Variants in BBS9 observed in about 807,000 individuals in gnomAD.
BBS9 encodes the protein Bardet-Biedl syndrome 9, also known as protein PTHB1.
Under a neutral mutation model 117.7 loss-of-function variants are expected in BBS9, and 89 were observed. The observed-to-expected ratio is 0.76, with a 90% CI of 0.64 to 0.90. The LOEUF is 0.90. Ranked by LOEUF, BBS9 falls within the 40% of genes least tolerant of loss-of-function variation. The pLI is 0.00. For synonymous variants in BBS9, 379 were observed against 370.9 expected, an observed-to-expected ratio of 1.02 and a Z score of -0.25; for missense variants, 982 against 1,042.2, an observed-to-expected ratio of 0.94 and a Z score of 0.80.
intron 6 of BBS9, among the ~76,000 whole-genome samples, chr7:33,258,538 C>G (rs1797458552): frequency 6.6e-6 from 1 of 152,006 alleles, no homozygotes; most frequent in Non-Finnish European, 1.5e-5. Flanking sequence ...TCTTATGGCT[C>G]TTATCCAAAG....
intron 20 of BBS9, among the ~76,000 whole-genome samples, chr7:33,514,533 T>G (rs1292168036): frequency 1.3e-5 from 2 of 152,158 alleles, no homozygotes; most frequent in African/African-American, 4.8e-5. Flanking sequence ...ACAGGGAGTT[T>G]CCTGTACTTT....
intron 5 of BBS9, among the ~76,000 whole-genome samples, chr7:33,219,135 G>C (rs1789670663): frequency 6.6e-6 from 1 of 152,192 alleles, no homozygotes; most frequent in Non-Finnish European, 1.5e-5. Context: ...AGCTGCGGAG[G>C]GTATACTGGG....
intron 5 of BBS9, among the ~76,000 whole-genome samples, chr7:33,218,994 C>G (rs1034686718): frequency 6.6e-6 from 1 of 152,234 alleles, no homozygotes; most frequent in Non-Finnish European, 1.5e-5. Context: ...CGAGCGGGAA[C>G]CCGGGCTGCG....
intron 19 of BBS9, among the ~76,000 whole-genome samples, chr7:33,459,183 C>T (rs1051521918): frequency 6.6e-6 from 1 of 152,062 alleles, no homozygotes. Context: ...TTTGCTTGTT[C>T]TTTAACGCCA....
chr7:33,424,746 C>T (rs1340191646), intron 19 of BBS9, among the ~76,000 whole-genome samples: 1 of 151,460 alleles, frequency 6.6e-6, no homozygotes, highest in Non-Finnish European at 1.5e-5. Context: ...ATACTGATGG[C>T]CGTATAATTA....
chr7:33,129,690 C>G lies in BBS9; in HGVS notation c.-363C>G, dbSNP rs1338034478. ...ATCCTTTCCTCCTCGGTGTGAGCAG[C>G]AGGACTTGCATTTGTTCTCGCCTGC... On this transcript the variant is annotated 5_prime_UTR_variant, in exon 1 of 23. Coordinates refer to ENST00000242067, the MANE Select transcript of BBS9 (RefSeq NM_198428.3). The G allele has an allele frequency of 6.6e-6, 1 of 152,574 alleles. No homozygotes were observed. Among genetic ancestry groups the G allele is most frequent in the African/African-American group, 2.4e-5 (1 of 41,448 alleles). 9.5% of individuals were successfully genotyped at this position (152,574 alleles called of 1,614,324 possible).
chr7:33,145,064 G>T (rs1012582012), intron 1 of BBS9, among the ~76,000 whole-genome samples: 3 of 152,162 alleles, frequency 2.0e-5, no homozygotes. Flanking sequence ...ACTACATTAT[G>T]TATTGATTGG....
chr7:33,406,148 G>A (rs1190071532), intron 19 of BBS9, among the ~76,000 whole-genome samples: 1 of 152,042 alleles, frequency 6.6e-6, no homozygotes, highest in Non-Finnish European at 1.5e-5. Flanking sequence ...GTAGTTGAGT[G>A]GTTTTGAGTG....
rs146138918 is a variant in BBS9 at position 33,206,109 on chromosome 7, C to T, written c.442+28518C>T. 2.4e-3 allele frequency among the ~76,000 whole-genome samples: 361 copies of T among 152,262 alleles called. 1 individual carries two copies. The highest frequency in any genetic ancestry group is 0.02 in the Middle Eastern group (6 of 294). ...TTTCCCCTGGCAGGGAGGTCATCTG[C>T]GCATTCATCAAATATGTGTGAGCAA... On this transcript the variant is annotated intron_variant, in intron 5 of 22. Transcript: ENST00000242067.
At chr7:33,565,843 C>CA (rs1563370400) in intron 21 of BBS9, among the ~76,000 whole-genome samples, 1 of 34,046 alleles carries the variant, frequency 2.9e-5, no homozygotes, top group African/African-American at 9.3e-5. Flanking sequence ...ATATATACTG[C>CA]TTATATATAT....
intron 19 of BBS9, among the ~76,000 whole-genome samples, chr7:33,465,250 C>T (rs1840000608): frequency 6.7e-6 from 1 of 148,496 alleles, no homozygotes. Flanking sequence ...AAAAAAAAAA[C>T]ATGATTTATT....
chr7:33,405,759 C>A (rs1450067525), intron 19 of BBS9, among the ~76,000 whole-genome samples: 4 of 151,942 alleles, frequency 2.6e-5, no homozygotes, highest in African/African-American at 4.8e-5. Flanking sequence ...GTCTTGCTAG[C>A]GGTCTATCAA....
At chr7:33,369,177 G>T (rs944987912) in intron 17 of BBS9, among the ~76,000 whole-genome samples, 1 of 151,858 alleles carries the variant, frequency 6.6e-6, no homozygotes. Context: ...AACCATTTTG[G>T]TGCATTTCTC....
At chr7:33,550,996 G>C (rs1431427854) in intron 21 of BBS9, among the ~76,000 whole-genome samples, 1 of 152,096 alleles carries the variant, frequency 6.6e-6, no homozygotes, top group Non-Finnish European at 1.5e-5. Flanking sequence ...CCATACTCCA[G>C]TGTCATGTGG....
chr7:33,437,510 A>G (rs1340394687), intron 19 of BBS9, among the ~76,000 whole-genome samples: 1 of 152,164 alleles, frequency 6.6e-6, no homozygotes, highest in African/African-American at 2.4e-5. Context: ...ATACAGATTG[A>G]TTTATATTGA....
At chr7:33,437,443 A>G (rs1426163938) in intron 19 of BBS9, among the ~76,000 whole-genome samples, 4 of 152,214 alleles carry the variant, frequency 2.6e-5, no homozygotes, top group African/African-American at 2.4e-5. Context: ...TGTCAGACAC[A>G]TTTCCAATTC....
chr7:33,511,900 G>A (rs1847028376), intron 20 of BBS9, among the ~76,000 whole-genome samples: 1 of 152,200 alleles, frequency 6.6e-6, no homozygotes, highest in African/African-American at 2.4e-5. Flanking sequence ...GTTGAGTGAT[G>A]ACTGCGATGG....
chr7:33,142,681 T>G (rs1263750923), intron 1 of BBS9, among the ~76,000 whole-genome samples: 1 of 152,228 alleles, frequency 6.6e-6, no homozygotes, highest in East Asian at 1.9e-4. Flanking sequence ...CATATGGTAT[T>G]TGTCTTTTTG....
chr7:33,547,469 A>G (rs560500101), intron 21 of BBS9, among the ~76,000 whole-genome samples: 3 of 152,352 alleles, frequency 2.0e-5, no homozygotes, highest in Admixed American at 2.0e-4. Context: ...TAGACTGAAT[A>G]AAGTTAGCAT....
Sources: gnomAD v4.1 joint callset for allele counts (sites outside exome capture counted in the v4.1 genomes callset) on GRCh38, gnomAD v4.1.1 for gene constraint, MANE v1.5 for transcripts, NCBI Gene and HGNC (gene_info 2026-07-23, HGNC 2026-07-21) for gene names.